USP8: variants seen among roughly 807,000 people sequenced by gnomAD.
USP8 encodes ubiquitin specific peptidase 8.
A neutral mutation model predicts 130.0 loss-of-function variants in USP8; 27 were observed. That is an observed-to-expected ratio of 0.21 (90% CI 0.15 to 0.29). The LOEUF is 0.29. Among genes scored for constraint, USP8 ranks in the 10% least tolerant of loss-of-function variants. USP8 has a pLI of 1.00. For missense variants in USP8, 1,029 were observed against 1,312.2 expected, an observed-to-expected ratio of 0.78 and a Z score of 3.33; for synonymous variants, 392 against 444.1, an observed-to-expected ratio of 0.88 and a Z score of 1.48.
At chr15:50,475,516 C>T (rs529380026) in intron 8 of USP8, among the ~76,000 whole-genome samples, 2 of 152,098 alleles carry the variant, frequency 1.3e-5, no homozygotes, top group South Asian at 4.2e-4. Context: ...AATTCTACTC[C>T]TAGGTAATTA....
At chr15:50,461,419 G>A (rs1830220247) in intron 5 of USP8, among the ~76,000 whole-genome samples, 1 of 137,540 alleles carries the variant, frequency 7.3e-6, no homozygotes, top group Admixed American at 8.0e-5. Flanking sequence ...TCATGCAACT[G>A]CACTCCAGCT....
intron 10 of USP8, 88 bp from the exon 11 acceptor site, chr15:50,481,393 C>A: frequency 3.1e-6 from 3 of 966,124 alleles, no homozygotes; most frequent in Non-Finnish European, 4.4e-6. Context: ...CACAAAGTGA[C>A]ACTTCTTTTA....
At chr15:50,496,818 C>T (rs1337643926) in intron 17 of USP8, 3 of 286,920 alleles carry the variant, frequency 1.0e-5, no homozygotes, top group Non-Finnish European at 1.9e-5. Flanking sequence ...AATGTCATTT[C>T]CTCCAACAGG....
intron 3 of USP8, among the ~76,000 whole-genome samples, chr15:50,447,548 AGT>A (rs1491556441): frequency 4.7e-5 from 7 of 150,526 alleles, no homozygotes; most frequent in African/African-American, 1.7e-4. Flanking sequence ...GCCTACTGTT[AGT>A]TTTTTTTTTC....
intron 5 of USP8, among the ~76,000 whole-genome samples, chr15:50,460,771 A>C (rs562342404): frequency 1.3e-5 from 2 of 152,272 alleles, no homozygotes; most frequent in South Asian, 4.1e-4. Flanking sequence ...TATAAGTTGA[A>C]ATCCATGGGA....
chr15:50,426,103 A>G (rs1159005996), intron 1 of USP8, among the ~76,000 whole-genome samples: 1 of 152,212 alleles, frequency 6.6e-6, no homozygotes, highest in Non-Finnish European at 1.5e-5. Flanking sequence ...CCTGGGTGAC[A>G]AGAGCAAAAC....
chr15:50,489,853 T>C lies in USP8; in HGVS notation c.1943T>C (p.Val648Ala). 1 of 1,585,684 alleles carries C rather than the reference T, an allele frequency of 6.3e-7. No homozygotes were observed. Among genetic ancestry groups the C allele is most frequent in the Non-Finnish European group, 8.6e-7 (1 of 1,166,974 alleles). Residue 648 changes from valine to alanine, a missense_variant, in exon 13 of 20, where the codon GTA (valine) becomes GCA (alanine). Val to Ala is a moderately conservative substitution (Grantham distance 64, BLOSUM62 0). Around this residue, in one of 4 missense-constraint regions of USP8, gnomAD observed 486 missense variants for 522.0 expected, o/e 0.93. Coordinates refer to ENST00000307179, the MANE Select transcript of USP8 (RefSeq NM_005154.5). The part of the protein sequence containing the change: ...RARSEEMGRI[V>A]PGLPSGWAKF... Reference sequence around the variant, plus strand: ...CGAAGTGAAGAAATGGGGAGGATCGTACCAGGACTGCCTTCAGGCTGGGCC... The same window carrying C: ...CGAAGTGAAGAAATGGGGAGGATCGCACCAGGACTGCCTTCAGGCTGGGCC...
intron 12 of USP8, among the ~76,000 whole-genome samples, chr15:50,486,617 A>C (rs2051970288): frequency 6.6e-6 from 1 of 152,244 alleles, no homozygotes; most frequent in South Asian, 2.1e-4. Flanking sequence ...ATATTTATAC[A>C]AAAAAAGTTC....
At chr15:50,495,353 CAT>C (rs55666551) in intron 16 of USP8, among the ~76,000 whole-genome samples, 15,770 of 94,660 alleles carry the variant, frequency 0.17, 1,619 homozygotes, top group East Asian at 0.47. Flanking sequence ...TACATATATA[CAT>C]ATATAGAGAG....
intron 7 of USP8, among the ~76,000 whole-genome samples, chr15:50,468,466 C>G (rs2051268434): frequency 6.6e-6 from 1 of 151,910 alleles, no homozygotes; most frequent in Admixed American, 6.6e-5. Flanking sequence ...TGGTCTTGAA[C>G]TCCTGGCCTC....
intron 3 of USP8, among the ~76,000 whole-genome samples, chr15:50,443,568 C>G (rs894079376): frequency 3.5e-4 from 53 of 152,196 alleles, no homozygotes; most frequent in African/African-American, 1.1e-3. Flanking sequence ...ACTGCAACCT[C>G]TGCCTCCCAG....
At chr15:50,460,359 T>A (rs1230515737) in intron 5 of USP8, among the ~76,000 whole-genome samples, 3 of 140,526 alleles carry the variant, frequency 2.1e-5, no homozygotes, top group Non-Finnish European at 4.5e-5. Flanking sequence ...CAGGCTGGAG[T>A]GCAGTGGTGC....
At position 50,477,506 on chromosome 15, in the gene USP8, T is replaced by C; in HGVS notation, c.1218+7T>C. 1 of 1,603,444 alleles carries C rather than the reference T, an allele frequency of 6.2e-7. No individual in the cohort carries two copies. Among genetic ancestry groups the C allele is most frequent in the Non-Finnish European group, 8.5e-7 (1 of 1,175,132 alleles). ...TATAAAGAATGTTCCACAGGTATGT[T>C]CTTGATTTTAACATTATTCTCGCTT... On this transcript the variant is annotated splice_region_variant and intron_variant, in intron 10 of 19. Transcript: ENST00000307179.
rs2052578302 is a variant in USP8, at chr15:50,501,111, T to G, written c.*2023T>G. On this transcript the variant is annotated 3_prime_UTR_variant, in exon 20 of 20. Coordinates refer to ENST00000307179, the MANE Select transcript of USP8 (RefSeq NM_005154.5). ...TGATTAATGTTTATCAGTGAACATT[T>G]AGTTAGCACTTAATATACATCAACT... The G allele has an allele frequency of 5.6e-6, 2 of 359,666 alleles. No individual in the cohort carries two copies. Among genetic ancestry groups the G allele is most frequent in the Non-Finnish European group, 1.1e-5 (2 of 187,932 alleles). The allele number at this position is 359,666 out of a possible 1,614,324, so 22.3% of individuals were successfully genotyped here. A position where few individuals can be genotyped will look rare whatever the true frequency, so the allele number is the denominator to read the frequency against.
chr15:50,496,015 G>C lies in USP8; in HGVS notation c.2826G>C (p.Lys942Asn). 1.6e-5 allele frequency: 26 copies of C among 1,614,014 alleles called. No homozygotes were observed. Among genetic ancestry groups the C allele is most frequent in the Non-Finnish European group, 2.2e-5 (26 of 1,180,016 alleles). ...TACAGTGCCTCACATGTCACAAAAA[G>C]TCTAGGACATTTGAGGCCTTCATGT... ...STVQCLTCHK[K>N]SRTFEAFMYL... The change falls in exon 17 of 20, where the codon AAG becomes AAC. Residue 942 changes from lysine to asparagine, a missense_variant. Transcript: ENST00000307179.
intron 1 of USP8, among the ~76,000 whole-genome samples, chr15:50,438,143 G>C (rs2050143904): frequency 6.6e-6 from 1 of 152,106 alleles, no homozygotes; most frequent in Non-Finnish European, 1.5e-5. Context: ...AAGCAAATTG[G>C]GGTGCTTTTG....
chr15:50,498,257 A>ATTCT (rs1226339880), intron 18 of USP8: 1 of 182,334 alleles, frequency 5.5e-6, no homozygotes, highest in Admixed American at 6.1e-5. Flanking sequence ...AGCAGCTGTC[A>ATTCT]TTCTTTCTTT....
Position 50,481,694 on chromosome 15 carries a change from CAAG to C in USP8, c.1435_1437del (p.Glu479del), listed in dbSNP as rs1387471310. ...TGCTCTTCTAATGGAAAAAAACAAACAAGAAAAAGAACTTCGGGAAAGGCAGCA... is the reference window on the plus strand; with the variant it reads ...TGCTCTTCTAATGGAAAAAAACAAACAAAAAGAACTTCGGGAAAGGCAGCA... On this transcript the variant is annotated inframe_deletion, in exon 11 of 20. Transcript: ENST00000307179. The C allele has an allele frequency of 6.2e-7, 1 of 1,610,410 alleles. No individual in the cohort carries two copies. The highest frequency in any genetic ancestry group is 1.3e-5 in the African/African-American group (1 of 74,410).
At chr15:50,493,905 G>T in intron 15 of USP8, 165 bp from the exon 16 acceptor site, 2 of 873,668 alleles carry the variant, frequency 2.3e-6, no homozygotes, top group South Asian at 2.8e-5. Flanking sequence ...ATGTAAGCAA[G>T]TCAGATTCAG....
Sources: gnomAD v4.1 joint callset for allele counts (sites outside exome capture counted in the v4.1 genomes callset) on GRCh38, gnomAD v4.1.1 for gene constraint, gnomAD v4.1.1 regional missense constraint, MANE v1.5 for transcripts, NCBI Gene and HGNC (gene_info 2026-07-23, HGNC 2026-07-21) for gene names.